DYRK1A: variants seen among roughly 807,000 people sequenced by gnomAD.
The protein encoded by DYRK1A is dual specificity tyrosine phosphorylation regulated kinase 1A.
A neutral mutation model predicts 79.7 loss-of-function variants in DYRK1A; 9 were observed. That is an observed-to-expected ratio of 0.11 (90% CI 0.07 to 0.20). DYRK1A has a LOEUF of 0.20. DYRK1A is among the 10% of genes least tolerant of loss of function. The pLI, the probability that DYRK1A is intolerant of heterozygous loss-of-function variation, is 1.00. For missense variants in DYRK1A, 622 were observed against 956.0 expected, an observed-to-expected ratio of 0.65 and a Z score of 4.61; for synonymous variants, 349 against 329.7, an observed-to-expected ratio of 1.06 and a Z score of -0.63.
intron 1 of DYRK1A, among the ~76,000 whole-genome samples, chr21:37,381,756 C>A (rs1372105155): frequency 2.6e-5 from 4 of 152,112 alleles, no homozygotes; most frequent in African/African-American, 7.2e-5. Flanking sequence ...CCAGTGTACT[C>A]CAGCCTGAGT....
chr21:37,403,395 T>C (rs1243017597), intron 1 of DYRK1A, among the ~76,000 whole-genome samples: 1 of 152,016 alleles, frequency 6.6e-6, no homozygotes, highest in African/African-American at 2.4e-5. Flanking sequence ...GACTCCTTTT[T>C]CCCCCTTATT....
intron 2 of DYRK1A, among the ~76,000 whole-genome samples, chr21:37,471,752 C>T (rs1043288475): frequency 1.6e-4 from 25 of 152,012 alleles, no homozygotes; most frequent in African/African-American, 5.3e-4. Flanking sequence ...TGGTAGAAGT[C>T]GGAAGTATTT....
At chr21:37,412,228 T>C (rs1485268548) in intron 1 of DYRK1A, among the ~76,000 whole-genome samples, 1 of 152,202 alleles carries the variant, frequency 6.6e-6, no homozygotes, top group Non-Finnish European at 1.5e-5. Flanking sequence ...AAATGCACTT[T>C]ATGGAATGTC....
At chr21:37,467,106 GAAA>G (rs5843833) in intron 2 of DYRK1A, among the ~76,000 whole-genome samples, 3 of 130,754 alleles carry the variant, frequency 2.3e-5, no homozygotes, top group African/African-American at 8.5e-5. Flanking sequence ...ATTTACAAAA[GAAA>G]AAAAAAAAAA....
In DYRK1A at chr21:37,514,804, A is replaced by G. The variant is rs2053854125; in HGVS notation, c.*2273A>G. On this transcript the variant is annotated 3_prime_UTR_variant, in exon 12 of 12. Transcript: ENST00000647188. ...AATTCAGTAGTTACTGCTGTTTAGGAATATAAGGTTAAGATATCATATGGG... is the reference window on the plus strand; with the variant it reads ...AATTCAGTAGTTACTGCTGTTTAGGGATATAAGGTTAAGATATCATATGGG... 6.6e-6 allele frequency: 1 copy of G among 152,614 alleles called. No homozygotes were observed. 9.5% of individuals were successfully genotyped at this position (152,614 alleles called of 1,614,324 possible).
At chr21:37,432,300 T>C (rs1369624803) in intron 2 of DYRK1A, among the ~76,000 whole-genome samples, 4 of 152,204 alleles carry the variant, frequency 2.6e-5, no homozygotes, top group African/African-American at 9.7e-5. Context: ...GTTAAAAATT[T>C]ATGTCTGTAA....
chr21:37,382,096 C>A (rs112389609), intron 1 of DYRK1A, among the ~76,000 whole-genome samples: 2 of 152,178 alleles, frequency 1.3e-5, no homozygotes, highest in African/African-American at 4.8e-5. Flanking sequence ...AAAAGCAAAT[C>A]ATCACATAAT....
chr21:37,440,148 T>TTTTTTTTTTTTTTTTTG (rs2051054855), intron 2 of DYRK1A, among the ~76,000 whole-genome samples: 1 of 126,106 alleles, frequency 7.9e-6, no homozygotes, highest in Non-Finnish European at 1.7e-5. Flanking sequence ...TTTTTTTTTT[T>TTTTTTTTTTTTTTTTTG]TTTTTGAGAC....
chr21:37,508,086 T>C (rs2053648158), intron 11 of DYRK1A, among the ~76,000 whole-genome samples: 1 of 152,174 alleles, frequency 6.6e-6, no homozygotes, highest in South Asian at 2.1e-4. Flanking sequence ...TCTCCCTCTT[T>C]CCCCACACTG....
chr21:37,511,808 CT>C (rs2053756201), intron 11 of DYRK1A, 102 bp from the exon 12 acceptor site: 4 of 1,352,356 alleles, frequency 3.0e-6, no homozygotes, highest in Admixed American at 2.3e-5. Flanking sequence ...CCGTTTCCCC[CT>C]GATTAATATG....
intron 2 of DYRK1A, among the ~76,000 whole-genome samples, chr21:37,470,629 A>G (rs2052189539): frequency 6.6e-6 from 1 of 152,196 alleles, no homozygotes; most frequent in African/African-American, 2.4e-5. Context: ...TTATATATTA[A>G]GGACCTCAAT....
At chr21:37,493,267 TAATC>T (rs1406669779) in intron 8 of DYRK1A, 104 bp downstream of exon 8, 22 of 1,159,210 alleles carry the variant, frequency 1.9e-5, no homozygotes, top group Non-Finnish European at 2.7e-5. Context: ...GATGTCTACT[TAATC>T]ATTCAAATGT....
At chr21:37,469,715 T>C (rs1292232874) in intron 2 of DYRK1A, among the ~76,000 whole-genome samples, 1 of 152,208 alleles carries the variant, frequency 6.6e-6, no homozygotes, top group East Asian at 1.9e-4. Context: ...AGAACTCTTA[T>C]CACGAGGATA....
chr21:37,500,793 A>C (rs1169014841), intron 9 of DYRK1A, among the ~76,000 whole-genome samples: 1 of 151,846 alleles, frequency 6.6e-6, no homozygotes, highest in African/African-American at 2.4e-5. Flanking sequence ...TATCTAGAGA[A>C]TCTGTAGTGA....
intron 1 of DYRK1A, among the ~76,000 whole-genome samples, chr21:37,385,649 G>A (rs1460704583): frequency 6.6e-6 from 1 of 152,196 alleles, no homozygotes; most frequent in Admixed American, 6.5e-5. Flanking sequence ...ACACTAGGAG[G>A]TGGGTCATGG....
chr21:37,383,146 C>G (rs1341979999), intron 1 of DYRK1A, among the ~76,000 whole-genome samples: 5 of 152,216 alleles, frequency 3.3e-5, no homozygotes, highest in Non-Finnish European at 7.3e-5. Flanking sequence ...GGCCAGTGAT[C>G]TGCAGAGGCA....
intron 2 of DYRK1A, among the ~76,000 whole-genome samples, chr21:37,439,123 T>C (rs2051013549): frequency 1.3e-5 from 2 of 152,240 alleles, no homozygotes; most frequent in Non-Finnish European, 1.5e-5. Context: ...GAAATACAAT[T>C]GATATAAATA....
chr21:37,466,537 A>T (rs566255449), intron 2 of DYRK1A, among the ~76,000 whole-genome samples: 2 of 152,328 alleles, frequency 1.3e-5, no homozygotes, highest in South Asian at 4.1e-4. Flanking sequence ...AAATACAAGG[A>T]AACAGAAGAA....
intron 2 of DYRK1A, among the ~76,000 whole-genome samples, chr21:37,454,905 C>G (rs946681016): frequency 1.3e-5 from 2 of 151,754 alleles, no homozygotes; most frequent in African/African-American, 4.8e-5. Context: ...TGAGATTGGT[C>G]TTATCTCTTT....
Sources: allele counts gnomAD v4.1 joint callset (sites outside exome capture counted in the v4.1 genomes callset), GRCh38; gene constraint gnomAD v4.1.1; transcripts MANE v1.5; gene names NCBI Gene and HGNC (gene_info 2026-07-23, HGNC 2026-07-21).